Variants in DNAH14 observed in about 807,000 individuals in gnomAD.
The protein encoded by DNAH14 is dynein axonemal heavy chain 14, also known as axonemal beta dynein heavy chain 14.
A neutral mutation model predicts 520.9 loss-of-function variants in DNAH14; 478 were observed. The ratio of observed to expected loss-of-function variants is 0.92; its 90% confidence interval spans 0.85 to 0.99. The LOEUF (loss-of-function observed/expected upper bound fraction) is 0.99, where lower values mean the gene tolerates loss of function less well. Ranked by LOEUF, DNAH14 falls within the 50% of genes least tolerant of loss-of-function variation. DNAH14 has a pLI of 0.00. For missense variants in DNAH14, 4,831 were observed against 5,234.5 expected (o/e 0.92, Z 2.38); for synonymous variants, 1,581 against 1,757.2 (o/e 0.90, Z 2.51).
Position 225,192,720 on chromosome 1 carries a change from G to A in DNAH14, c.5695G>A (p.Asp1899Asn). 6.5e-7 allele frequency: 1 copy of A among 1,548,778 alleles called. No individual in the cohort carries two copies. The highest frequency in any genetic ancestry group is 8.7e-7 in the Non-Finnish European group (1 of 1,145,196). The part of the protein sequence containing the change: ...SKISERKGKV[D>N]ICVLNPKCVT... ...GATTTCAGAAAGAAAAGGAAAAGTA[G>A]ATATTTGTGTTTTAAATCCAAAGTG... The change falls in exon 38 of 86, where the codon GAT (aspartate) becomes AAT (asparagine). Residue 1899 changes from aspartate (D) to asparagine (N), a missense_variant. Coordinates refer to ENST00000682510, the MANE Select transcript of DNAH14 (RefSeq NM_001367479.1).
At chr1:225,313,021 C>T (rs1411425854) in intron 60 of DNAH14, among the ~76,000 whole-genome samples, 1 of 152,182 alleles carries the variant, frequency 6.6e-6, no homozygotes, top group Non-Finnish European at 1.5e-5. Context: ...GAAATGGTAC[C>T]AGCTCCTGTT....
chr1:225,066,892 C>T lies in DNAH14; in HGVS notation c.2425-12315C>T, dbSNP rs189186255. Among the ~76,000 whole-genome samples, 317 of 152,172 alleles carry T rather than the reference C, an allele frequency of 2.1e-3. 1 individual carries two copies. Among genetic ancestry groups the T allele is most frequent in the Non-Finnish European group, 3.8e-3 (258 of 67,960 alleles). ...GTATACCACATTTAATTTACCCACT[C>T]ATTGGTTGATGGGCACTTAGATTGT... On this transcript the variant is annotated intron_variant, in intron 17 of 85. Transcript: ENST00000682510.
At chr1:225,284,808 C>A (rs1278562181) in intron 54 of DNAH14, among the ~76,000 whole-genome samples, 1 of 152,116 alleles carries the variant, frequency 6.6e-6, no homozygotes. Flanking sequence ...AGATTTACTG[C>A]AGGAATGCAC....
intron 69 of DNAH14, among the ~76,000 whole-genome samples, chr1:225,341,928 A>G (rs1183236702): frequency 6.6e-6 from 1 of 152,216 alleles, no homozygotes; most frequent in African/African-American, 2.4e-5. Context: ...GAGTATGTAT[A>G]GAAATCATCT....
chr1:225,352,315 GCTA>G (rs1324392804), intron 72 of DNAH14, among the ~76,000 whole-genome samples: 1 of 151,684 alleles, frequency 6.6e-6, no homozygotes, highest in Non-Finnish European at 1.5e-5. Context: ...TCCGTTTTTC[GCTA>G]CTACCTTCAC....
intron 52 of DNAH14, among the ~76,000 whole-genome samples, 184 bp from the exon 53 acceptor site, chr1:225,275,730 A>G (rs2093450533): frequency 6.6e-6 from 1 of 152,182 alleles, no homozygotes; most frequent in Non-Finnish European, 1.5e-5. Flanking sequence ...TTTGAGAAAG[A>G]GTCCACAGGC....
At chr1:224,939,104 G>A (rs1043827558) in intron 1 of DNAH14, among the ~76,000 whole-genome samples, 1 of 152,016 alleles carries the variant, frequency 6.6e-6, no homozygotes, top group African/African-American at 2.4e-5. Context: ...GTGAAAGATG[G>A]CAAATTATAT....
chr1:225,070,692 G>T (rs1261284072), intron 17 of DNAH14, among the ~76,000 whole-genome samples: 2 of 152,158 alleles, frequency 1.3e-5, no homozygotes, highest in African/African-American at 4.8e-5. Flanking sequence ...TTGTTTTTGT[G>T]TGGAGAGTTC....
chr1:225,081,001 G>T (rs1376549173), intron 19 of DNAH14, among the ~76,000 whole-genome samples: 1 of 152,202 alleles, frequency 6.6e-6, no homozygotes, highest in African/African-American at 2.4e-5. Context: ...TAGAACCCCA[G>T]CTACCTCACC....
chr1:225,215,365 G>A (rs1340714654), intron 41 of DNAH14, among the ~76,000 whole-genome samples: 1 of 152,170 alleles, frequency 6.6e-6, no homozygotes, highest in African/African-American at 2.4e-5. Context: ...ATGTGGTGCT[G>A]AGAAGAATGT....
Position 225,100,860 on chromosome 1 carries a change from T to A in DNAH14, c.3843T>A (p.Leu1281=), listed in dbSNP as rs1432170496. 6.6e-7 allele frequency: 1 copy of A among 1,512,494 alleles called. No individual in the cohort carries two copies. The highest frequency in any genetic ancestry group is 2.5e-5 in the East Asian group (1 of 39,682). The allele number at this position is 1,512,494 out of a possible 1,614,324, so 93.7% of individuals were successfully genotyped here. A position where few individuals can be genotyped will look rare whatever the true frequency, so the allele number is the denominator to read the frequency against. ...LEILQNCNIH[L]EHIKKSLEDY... ...TTCTGCAAAATTGTAATATACATCT[T>A]GAACATATAAAGAAAAGCCTTGAGG... is the stretch of plus-strand genomic sequence containing the variant. Residue 1281 remains leucine, a synonymous_variant, in exon 23 of 86, where the codon CTT becomes CTA. Transcript: ENST00000682510.
At chr1:225,224,068 GTTAAA>G (rs2090309881) in intron 41 of DNAH14, among the ~76,000 whole-genome samples, 1 of 151,856 alleles carries the variant, frequency 6.6e-6, no homozygotes, top group African/African-American at 2.4e-5. Context: ...ATCTCAAAAG[GTTAAA>G]TTAAATACTA....
At chr1:225,327,390 T>C (rs2094699413) in intron 64 of DNAH14, among the ~76,000 whole-genome samples, 1 of 152,074 alleles carries the variant, frequency 6.6e-6, no homozygotes. Flanking sequence ...CTCGATTTCC[T>C]GACCTTGTGA....
At chr1:224,998,559 A>T (rs562963957) in intron 8 of DNAH14, among the ~76,000 whole-genome samples, 4 of 151,990 alleles carry the variant, frequency 2.6e-5, no homozygotes, top group African/African-American at 4.8e-5. Flanking sequence ...GTGTTTAGAT[A>T]TTTTATTATT....
chr1:225,240,677 G>A lies in DNAH14; in HGVS notation c.6603G>A (p.Trp2201Ter). Residue 2201 changes from tryptophan to a stop codon, truncating the protein, a stop_gained, in exon 43 of 86, where the codon TGG becomes TGA. Transcript: ENST00000682510. LOFTEE classifies it high-confidence loss of function. ...IQKLFVFAFT[W>*]AFGGALNRED... ...AGCTTTTTGTGTTTGCCTTTACTTG[G>A]GCATTTGGAGGAGCTTTAAACCGTG... 1 of 1,550,744 alleles carries A rather than the reference G, an allele frequency of 6.4e-7. No individual in the cohort carries two copies.
rs908397157 is a variant in DNAH14, at chr1:225,012,895, T to C, written c.1107+5351T>C. ...TATCAAGGTTCTTACCTTCCTTGCATTGGGTTAGAACATGCTGCTTTAGCT... is the reference window on the plus strand; with the variant it reads ...TATCAAGGTTCTTACCTTCCTTGCACTGGGTTAGAACATGCTGCTTTAGCT... On this transcript the variant is annotated intron_variant, in intron 10 of 85. Transcript: ENST00000682510. Among the ~76,000 whole-genome samples, 7 of 152,298 alleles carry C rather than the reference T, an allele frequency of 4.6e-5. No homozygotes were observed. The South Asian group carries it at 1.4e-3, about 32-fold the overall frequency.
chr1:225,255,689 A>G (rs1243246080), intron 44 of DNAH14, among the ~76,000 whole-genome samples: 1 of 152,208 alleles, frequency 6.6e-6, no homozygotes, highest in Non-Finnish European at 1.5e-5. Context: ...CCTACAAATA[A>G]TATTTTCAAA....
intron 77 of DNAH14, 148 bp from the exon 78 acceptor site, chr1:225,374,540 C>T (rs796104138): frequency 6.5e-5 from 44 of 681,130 alleles, no homozygotes; most frequent in African/African-American, 2.5e-4. Context: ...GGATTACAGG[C>T]GTGAGCCACT....
At chr1:225,152,097 G>T in intron 32 of DNAH14, 24 bp downstream of exon 32, 1 of 1,520,460 alleles carries the variant, frequency 6.6e-7, no homozygotes, top group Non-Finnish European at 8.8e-7. Flanking sequence ...AATCTAGTGG[G>T]AATAGACACA....
Sources: gnomAD v4.1 joint callset for allele counts (sites outside exome capture counted in the v4.1 genomes callset) on GRCh38, gnomAD v4.1.1 for gene constraint, MANE v1.5 for transcripts, NCBI Gene and HGNC (gene_info 2026-07-23, HGNC 2026-07-21) for gene names.